L3MBTL4: variants seen among roughly 807,000 people sequenced by gnomAD.
The protein encoded by L3MBTL4 is lethal(3)malignant brain tumor-like protein 4.
In L3MBTL4, 70 loss-of-function variants were observed where a neutral mutation model predicts 84.5. The observed-to-expected ratio is 0.83, with a 90% CI of 0.68 to 1.01. The LOEUF is 1.01. Ranked by LOEUF, L3MBTL4 falls within the 50% of genes least tolerant of loss-of-function variation. The pLI is 0.00. For missense variants in L3MBTL4, 715 were observed against 754.8 expected, an observed-to-expected ratio of 0.95 and a Z score of 0.62; for synonymous variants, 274 against 259.8, an observed-to-expected ratio of 1.05 and a Z score of -0.52.
chr18:6,069,724 T>C (rs1050502769), intron 16 of L3MBTL4, among the ~76,000 whole-genome samples: 2 of 152,076 alleles, frequency 1.3e-5, no homozygotes, highest in African/African-American at 4.8e-5. Flanking sequence ...CTCACCCAGC[T>C]CCCATGCAGT....
intron 3 of L3MBTL4, among the ~76,000 whole-genome samples, chr18:6,308,877 C>T (rs944816719): frequency 6.6e-6 from 1 of 152,110 alleles, no homozygotes; most frequent in African/African-American, 2.4e-5. Flanking sequence ...ACTTTACTGC[C>T]TGTCTGTACT....
At position 5,995,168 on chromosome 18, in the gene L3MBTL4, G is replaced by T. The variant is rs536864560; in HGVS notation, c.1445-25606C>A. 3.0e-3 allele frequency among the ~76,000 whole-genome samples: 464 copies of T among 152,374 alleles called. 3 individuals carry two copies. The highest frequency in any genetic ancestry group is 0.011 in the African/African-American group (448 of 41,594). On this transcript the variant is annotated intron_variant, in intron 16 of 18. Coordinates refer to ENST00000317931, the MANE Select transcript of L3MBTL4 (RefSeq NM_001330559.2). ...CATGGGTCTGACAATCACCATCTGT[G>T]CTTTCCACAGCGGCGACCACGCCAT...
rs1368689466 is a variant in L3MBTL4, at chr18:6,264,053, AC to A, written c.128-16del. On this transcript the variant is annotated splice_polypyrimidine_tract_variant and intron_variant, in intron 4 of 18. Coordinates refer to ENST00000317931, the MANE Select transcript of L3MBTL4 (RefSeq NM_001330559.2). Reference sequence around the variant, plus strand: ...CGCTGAAGGGACTGGAAGAGAAAACACAATGACTTTTCTCAAAATGATTAGT... The same window carrying A: ...CGCTGAAGGGACTGGAAGAGAAAACAAATGACTTTTCTCAAAATGATTAGT... 1 of 1,567,942 alleles carries A rather than the reference AC, an allele frequency of 6.4e-7. No individual in the cohort carries two copies. The highest frequency in any genetic ancestry group is 1.7e-5 in the Admixed American group (1 of 59,090).
chr18:6,119,106 G>A (rs2144272331), intron 14 of L3MBTL4, among the ~76,000 whole-genome samples: 1 of 142,246 alleles, frequency 7.0e-6, no homozygotes, highest in African/African-American at 2.7e-5. Context: ...GCTTATCCCT[G>A]TATTTTCACC....
Position 6,230,296 on chromosome 18 carries a change from A to G in L3MBTL4, c.784+7668T>C, listed in dbSNP as rs75947645. Among the ~76,000 whole-genome samples, 512 of 152,116 alleles carry G rather than the reference A, an allele frequency of 3.4e-3. 1 individual carries two copies. The highest frequency in any genetic ancestry group is 0.011 in the African/African-American group (475 of 41,520). ...TTTTATTTCTGTCCATGTATACTCAATGTTTAGCTCCCACTTGCAAGTGAG... is the reference window on the plus strand; with the variant it reads ...TTTTATTTCTGTCCATGTATACTCAGTGTTTAGCTCCCACTTGCAAGTGAG... On this transcript the variant is annotated intron_variant, in intron 10 of 18. Coordinates refer to ENST00000317931, the MANE Select transcript of L3MBTL4 (RefSeq NM_001330559.2).
At chr18:6,066,995 G>A (rs1008466642) in intron 16 of L3MBTL4, among the ~76,000 whole-genome samples, 2 of 150,948 alleles carry the variant, frequency 1.3e-5, no homozygotes, top group Non-Finnish European at 1.5e-5. Context: ...CTGTTTTGGT[G>A]CATATTTGTT....
chr18:6,329,679 C>T (rs1390211956), intron 1 of L3MBTL4, among the ~76,000 whole-genome samples: 3 of 152,130 alleles, frequency 2.0e-5, no homozygotes, highest in Non-Finnish European at 4.4e-5. Context: ...ACAGGTATGA[C>T]ATGGTGAGGG....
chr18:6,256,636 TTAGAGAGA>T (rs1203171845), intron 5 of L3MBTL4: 1 of 151,334 alleles, frequency 6.6e-6, no homozygotes, highest in Non-Finnish European at 1.5e-5. Context: ...TGTGCCTTGT[TTAGAGAGA>T]AAGGGGATGA....
chr18:5,997,505 T>C (rs1005620540), intron 16 of L3MBTL4, among the ~76,000 whole-genome samples: 4 of 152,272 alleles, frequency 2.6e-5, no homozygotes, highest in Non-Finnish European at 2.9e-5. Flanking sequence ...TAAGTGACTA[T>C]CCCTCTACCT....
chr18:6,122,524 C>G (rs1275851125), intron 14 of L3MBTL4, among the ~76,000 whole-genome samples: 1 of 152,232 alleles, frequency 6.6e-6, no homozygotes, highest in Non-Finnish European at 1.5e-5. Flanking sequence ...CACAAGCTCT[C>G]TTTTTGCCTG....
intron 12 of L3MBTL4, among the ~76,000 whole-genome samples, chr18:6,192,118 A>G (rs965893579): frequency 3.9e-5 from 6 of 152,198 alleles, no homozygotes; most frequent in Non-Finnish European, 7.3e-5. Context: ...GGCAGGAAAC[A>G]ACGAAGAGAA....
At chr18:6,286,611 G>A (rs1224736735) in intron 4 of L3MBTL4, among the ~76,000 whole-genome samples, 2 of 152,094 alleles carry the variant, frequency 1.3e-5, no homozygotes, top group African/African-American at 2.4e-5. Context: ...CAAATAAAAC[G>A]TTTTAAAAGG....
At chr18:6,062,491 G>T (rs2145897800) in intron 16 of L3MBTL4, among the ~76,000 whole-genome samples, 1 of 151,984 alleles carries the variant, frequency 6.6e-6, no homozygotes. Flanking sequence ...TATTCTTTGT[G>T]CTTACTGGAT....
chr18:6,242,649 A>G (rs16949696), intron 7 of L3MBTL4, among the ~76,000 whole-genome samples: 2 of 152,098 alleles, frequency 1.3e-5, no homozygotes, highest in African/African-American at 4.8e-5. Flanking sequence ...GTTGCCACAG[A>G]CATCGAACAG....
At chr18:6,370,759 G>C (rs533339675) in intron 1 of L3MBTL4, among the ~76,000 whole-genome samples, 1 of 152,192 alleles carries the variant, frequency 6.6e-6, no homozygotes, top group Non-Finnish European at 1.5e-5. Flanking sequence ...ACTGTCCCCA[G>C]TTGACAGGGA....
At chr18:6,162,349 A>T (rs2043383212) in intron 13 of L3MBTL4, among the ~76,000 whole-genome samples, 1 of 152,186 alleles carries the variant, frequency 6.6e-6, no homozygotes, top group South Asian at 2.1e-4. Context: ...TAAGTACCTA[A>T]CACAATTGTT....
At chr18:6,084,978 C>T (rs1164086704) in intron 15 of L3MBTL4, among the ~76,000 whole-genome samples, 11 of 152,158 alleles carry the variant, frequency 7.2e-5, no homozygotes. Context: ...GGGGCCTGCA[C>T]AAGCTTTCTA....
At chr18:6,103,415 T>C (rs1188678103) in intron 14 of L3MBTL4, among the ~76,000 whole-genome samples, 1 of 152,256 alleles carries the variant, frequency 6.6e-6, no homozygotes, top group African/African-American at 2.4e-5. Context: ...AAATATTTTC[T>C]GCAAAAACCT....
At chr18:6,342,977 G>A (rs2052683699) in intron 1 of L3MBTL4, among the ~76,000 whole-genome samples, 1 of 152,070 alleles carries the variant, frequency 6.6e-6, no homozygotes, top group South Asian at 2.1e-4. Context: ...GTAAAAAATT[G>A]TCACAGAAGA....
Sources: gnomAD v4.1 joint callset for allele counts (sites outside exome capture counted in the v4.1 genomes callset) on GRCh38, gnomAD v4.1.1 for gene constraint, MANE v1.5 for transcripts, NCBI Gene and HGNC (gene_info 2026-07-23, HGNC 2026-07-21) for gene names.